SLCO1B3: variants seen among roughly 807,000 people sequenced by gnomAD.
The protein encoded by SLCO1B3 is solute carrier organic anion transporter family member 1B3.
SLCO1B3 carries 72 observed loss-of-function variants against 71.8 expected under a neutral mutation model. The ratio of observed to expected loss-of-function variants is 1.00; its 90% confidence interval spans 0.83 to 1.22. SLCO1B3 has a LOEUF of 1.22. SLCO1B3 is among the 50% of genes most tolerant of loss of function. The pLI is 0.00. For synonymous variants in SLCO1B3, 298 were observed against 278.4 expected (o/e 1.07, Z -0.70); for missense variants, 911 against 819.7 (o/e 1.11, Z -1.36).
At chr12:20,902,853 G>C (rs1018282039) in intron 15 of SLCO1B3, among the ~76,000 whole-genome samples, 1 of 152,050 alleles carries the variant, frequency 6.6e-6, no homozygotes, top group Non-Finnish European at 1.5e-5. Context: ...CAGATCACTT[G>C]AGACCAGGAG....
chr12:20,886,707 G>C (rs561640448), intron 13 of SLCO1B3, among the ~76,000 whole-genome samples: 7 of 152,054 alleles, frequency 4.6e-5, no homozygotes, highest in African/African-American at 1.7e-4. Context: ...AGGCTGTTTT[G>C]GTTGTTTTAA....
At chr12:20,824,770 A>G (rs942975892) in intron 3 of SLCO1B3, among the ~76,000 whole-genome samples, 12 of 152,222 alleles carry the variant, frequency 7.9e-5, no homozygotes, top group Non-Finnish European at 1.2e-4. Context: ...AATAAGTCAA[A>G]TATGTCTCTT....
At chr12:20,842,954 T>C (rs527239968) in intron 3 of SLCO1B3, among the ~76,000 whole-genome samples, 16 of 152,266 alleles carry the variant, frequency 1.1e-4, no homozygotes, top group African/African-American at 3.8e-4. Flanking sequence ...CACTGTGAGA[T>C]TACTGTAAGA....
rs778412645 is a variant in SLCO1B3, at chr12:20,862,769, A to C, written c.642A>C (p.Ala214=). 6.2e-7 allele frequency: 1 copy of C among 1,610,218 alleles called. No homozygotes were observed. The highest frequency in any genetic ancestry group is 1.7e-5 in the Admixed American group (1 of 59,714). Residue 214 remains alanine, a synonymous_variant, in exon 8 of 16, where the codon GCA becomes GCC. Coordinates refer to ENST00000381545, the MANE Select transcript of SLCO1B3 (RefSeq NM_019844.4). ...HSSLYLGSLN[A]IGMIGPVIGF... ...TAATACTTACAGGTAGTTTGAATGC[A>C]ATAGGAATGATTGGTCCAGTCATTG...
intron 15 of SLCO1B3, among the ~76,000 whole-genome samples, chr12:20,911,170 T>A (rs1866366564): frequency 6.6e-6 from 1 of 152,144 alleles, no homozygotes; most frequent in Non-Finnish European, 1.5e-5. Context: ...GATGTTTGAT[T>A]TTGTCAAATG....
At chr12:20,853,126 A>T (rs971817560) in intron 3 of SLCO1B3, among the ~76,000 whole-genome samples, 2 of 152,024 alleles carry the variant, frequency 1.3e-5, no homozygotes, top group Admixed American at 6.6e-5. Flanking sequence ...CTGGATCATG[A>T]TGTGATTTTT....
chr12:20,838,439 T>C (rs1348507724), intron 3 of SLCO1B3, among the ~76,000 whole-genome samples: 1 of 152,050 alleles, frequency 6.6e-6, no homozygotes, highest in Non-Finnish European at 1.5e-5. Flanking sequence ...ATTTAGATAA[T>C]TGATGTTAAA....
intron 1 of SLCO1B3, among the ~76,000 whole-genome samples, chr12:20,811,686 GCTGCATACAAATGC>G (rs1864112818): frequency 6.6e-6 from 1 of 152,164 alleles, no homozygotes; most frequent in African/African-American, 2.4e-5. Flanking sequence ...GAGTTGCAAT[GCTGCATACAAATGC>G]CTGTGGCTCT....
chr12:20,859,984 T>G (rs1865223794), intron 5 of SLCO1B3, among the ~76,000 whole-genome samples: 1 of 136,042 alleles, frequency 7.4e-6, no homozygotes, highest in Non-Finnish European at 1.5e-5. Flanking sequence ...TGAGACGGAG[T>G]CTCGCTAGTC....
intron 3 of SLCO1B3, among the ~76,000 whole-genome samples, chr12:20,828,137 C>G (rs1433785416): frequency 1.3e-5 from 2 of 152,062 alleles, no homozygotes; most frequent in Non-Finnish European, 2.9e-5. Context: ...TTGCACAAAG[C>G]TCCACTGAAT....
At chr12:20,884,432 C>G (rs1865752900) in intron 13 of SLCO1B3, among the ~76,000 whole-genome samples, 1 of 151,976 alleles carries the variant, frequency 6.6e-6, no homozygotes, top group Non-Finnish European at 1.5e-5. Context: ...AAAGAAAAAG[C>G]CAAATGAAGG....
chr12:20,898,376 A>G, intron 13 of SLCO1B3, 60 bp from the exon 14 acceptor site: 2 of 1,041,310 alleles, frequency 1.9e-6, no homozygotes, highest in South Asian at 2.6e-5. Context: ...ATGTTTTGAT[A>G]TTAACTCAGT....
chr12:20,833,990 AT>A (rs1472614203), intron 3 of SLCO1B3, among the ~76,000 whole-genome samples: 2 of 142,210 alleles, frequency 1.4e-5, no homozygotes, highest in African/African-American at 5.0e-5. Flanking sequence ...GTAAACATAT[AT>A]GTCTATGTGT....
intron 8 of SLCO1B3, among the ~76,000 whole-genome samples, chr12:20,872,301 C>T (rs1202752342): frequency 6.6e-6 from 1 of 151,528 alleles, no homozygotes; most frequent in Non-Finnish European, 1.5e-5. Context: ...TCTCTTAGTC[C>T]AGGACTAGGC....
rs375600750 is a variant in SLCO1B3, at chr12:20,887,871, G to A, written c.1682+4269G>A. 2.6e-4 allele frequency among the ~76,000 whole-genome samples: 40 copies of A among 151,834 alleles called. No individual in the cohort carries two copies. The East Asian group carries it at 2.9e-3, about 11-fold the overall frequency. Reference sequence around the variant, plus strand: ...TTATAGTTTCAGGCCTTACAATTACGTCTTTCATCCTTTTTCAGTTAATTT... The same window carrying A: ...TTATAGTTTCAGGCCTTACAATTACATCTTTCATCCTTTTTCAGTTAATTT... On this transcript the variant is annotated intron_variant, in intron 13 of 15. Coordinates refer to ENST00000381545, the MANE Select transcript of SLCO1B3 (RefSeq NM_019844.4).
At chr12:20,815,195 A>G (rs1864171797) in intron 2 of SLCO1B3, among the ~76,000 whole-genome samples, 1 of 152,022 alleles carries the variant, frequency 6.6e-6, no homozygotes. Context: ...TCCTCTATGA[A>G]ACTGACTGAG....
intron 15 of SLCO1B3, among the ~76,000 whole-genome samples, chr12:20,903,294 CTTGAATA>C (rs1866167395): frequency 6.6e-6 from 1 of 152,010 alleles, no homozygotes; most frequent in African/African-American, 2.4e-5. Context: ...AAAACCTGTA[CTTGAATA>C]TAAAAAAGTG....
intron 8 of SLCO1B3, among the ~76,000 whole-genome samples, chr12:20,868,938 C>G (rs1016398868): frequency 2.6e-5 from 4 of 152,062 alleles, no homozygotes; most frequent in African/African-American, 9.7e-5. Context: ...ATATCAGAGA[C>G]TTTTAGTACT....
intron 10 of SLCO1B3, 95 bp downstream of exon 10, chr12:20,878,031 T>C: frequency 1.2e-6 from 1 of 822,424 alleles, no homozygotes; most frequent in East Asian, 3.1e-5. Flanking sequence ...GATTTTATAT[T>C]TTACTAAATG....
Sources: allele counts gnomAD v4.1 joint callset (sites outside exome capture counted in the v4.1 genomes callset), GRCh38; gene constraint gnomAD v4.1.1; transcripts MANE v1.5; gene names NCBI Gene and HGNC (gene_info 2026-07-23, HGNC 2026-07-21).